Variants in DLST observed in about 807,000 individuals in gnomAD.
DLST encodes the protein dihydrolipoyllysine-residue succinyltransferase component of 2-oxoglutarate dehydrogenase complex, mitochondrial.
DLST carries 17 observed loss-of-function variants against 53.1 expected under a neutral mutation model. That is an observed-to-expected ratio of 0.32 (90% CI 0.22 to 0.48). The LOEUF (loss-of-function observed/expected upper bound fraction) is 0.48, where lower values mean the gene tolerates loss of function less well. Among genes scored for constraint, DLST ranks in the 20% least tolerant of loss-of-function variants. The probability of loss-of-function intolerance (pLI) is 0.99; values close to 1 mark genes in which losing one functional copy is unlikely to be tolerated. For synonymous variants in DLST, 206 were observed against 204.8 expected (o/e 1.01, Z -0.05); for missense variants, 512 against 583.9 (o/e 0.88, Z 1.27).
At chr14:74,889,017 T>C (rs1883803958) in intron 3 of DLST, 78 bp from the exon 4 acceptor site, 4 of 1,447,130 alleles carry the variant, frequency 2.8e-6, no homozygotes, top group Admixed American at 1.7e-5. Flanking sequence ...AAGGGGAAGG[T>C]GACCCATGGG....
At chr14:74,889,762 C>A in intron 5 of DLST, 135 bp from the exon 6 acceptor site, 2 of 771,084 alleles carry the variant, frequency 2.6e-6, no homozygotes, top group Admixed American at 2.4e-5. Context: ...ATAGCTCTGC[C>A]GTTTTCTTTA....
intron 14 of DLST, among the ~76,000 whole-genome samples, chr14:74,901,585 GC>G (rs1218822758): frequency 1.3e-5 from 2 of 152,196 alleles, no homozygotes; most frequent in Non-Finnish European, 2.9e-5. Flanking sequence ...TGACAATTAT[GC>G]ATGTCAGTCT....
At position 74,881,932 on chromosome 14, in the gene DLST, C is replaced by G. The variant is rs369001394; in HGVS notation, c.-22C>G. On this transcript the variant is annotated 5_prime_UTR_variant, in exon 1 of 15. Coordinates refer to ENST00000334220, the MANE Select transcript of DLST (RefSeq NM_001933.5). Reference sequence around the variant, plus strand: ...TCCGGCCCTATATCCGGTGTCCGCCCGCCCTCGGCTCCTCCGCCGTGATGC... The same window carrying G: ...TCCGGCCCTATATCCGGTGTCCGCCGGCCCTCGGCTCCTCCGCCGTGATGC... 2.6e-6 allele frequency: 4 copies of G among 1,528,026 alleles called. No homozygotes were observed. In the South Asian group the frequency reaches 3.6e-5, roughly 14 times the overall value. The allele number at this position is 1,528,026 out of a possible 1,614,324, so 94.7% of individuals were successfully genotyped here.
In DLST at chr14:74,881,968, C is replaced by T. The variant is rs1426472572; in HGVS notation, c.15C>T (p.Ser5=). The stretch of plus-strand genomic sequence containing the variant: ...CCTCCGCCGTGATGCTGTCCCGATC[C>T]CGCTGTGTGTCTCGGGCGTTCAGCC... The part of the protein sequence containing the change: MLSR[S]RCVSRAFSRS... Residue 5 remains serine (S), a synonymous_variant, in exon 1 of 15, where the codon TCC becomes TCT. Coordinates refer to ENST00000334220, the MANE Select transcript of DLST (RefSeq NM_001933.5). 21 of 1,569,860 alleles carry T rather than the reference C, an allele frequency of 1.3e-5. No individual in the cohort carries two copies. Among genetic ancestry groups the T allele is most frequent in the Non-Finnish European group, 1.7e-5 (20 of 1,165,722 alleles).
intron 8 of DLST, 79 bp from the exon 9 acceptor site, chr14:74,893,269 A>G (rs1165611304): frequency 1.2e-5 from 17 of 1,468,942 alleles, no homozygotes; most frequent in Admixed American, 3.4e-5. Context: ...AAGTAACAGT[A>G]CATATGAAAG....
rs534401445 is a variant in DLST, at chr14:74,902,061, T to G, written c.1228-135T>G. The G allele has an allele frequency of 2.1e-5, 20 of 966,320 alleles. No individual in the cohort carries two copies. In the South Asian group the frequency reaches 6.3e-4, roughly 30 times the overall value. 59.9% of individuals were successfully genotyped at this position (966,320 alleles called of 1,614,324 possible). ...GGGTAAGTCCTGGTCTTTGAAATACTGTAAATATGCAGAGGCAACATCAAT... is the reference window on the plus strand; with the variant it reads ...GGGTAAGTCCTGGTCTTTGAAATACGGTAAATATGCAGAGGCAACATCAAT... On this transcript the variant is annotated intron_variant, in intron 14 of 14. Transcript: ENST00000334220.
At chr14:74,898,285 C>A in intron 10 of DLST, 84 bp from the exon 11 acceptor site, 1 of 1,531,030 alleles carries the variant, frequency 6.5e-7, no homozygotes, top group Non-Finnish European at 8.8e-7. Context: ...AAGCTCTCAC[C>A]TAATTGTGTA....
intron 1 of DLST, among the ~76,000 whole-genome samples, 153 bp from the exon 2 acceptor site, chr14:74,882,438 T>G (rs1028070470): frequency 6.7e-6 from 1 of 149,996 alleles, no homozygotes; most frequent in African/African-American, 2.4e-5. Context: ...GCGTGTTGAT[T>G]GGGTCTGCCA....
At chr14:74,882,690 CG>C (rs1303360513) in intron 2 of DLST, 66 bp downstream of exon 2, 2 of 1,453,618 alleles carry the variant, frequency 1.4e-6, no homozygotes, top group Admixed American at 1.7e-5. Flanking sequence ...GTGAGGAACT[CG>C]GGGGTGCCTG....
In DLST at chr14:74,894,303, T is replaced by C; in HGVS notation, c.673-9T>C. 3.7e-6 allele frequency: 6 copies of C among 1,613,858 alleles called. No individual in the cohort carries two copies. The highest frequency in any genetic ancestry group is 5.1e-6 in the Non-Finnish European group (6 of 1,179,856). On this transcript the variant is annotated splice_polypyrimidine_tract_variant and intron_variant, in intron 9 of 14. Transcript: ENST00000334220. ...AGATTGTCAATGCTTGTTCCACTCT[T>C]ACTTTCAGGAGAAAATGAACAGGAT...
intron 11 of DLST, among the ~76,000 whole-genome samples, chr14:74,898,891 TG>T (rs1884156109): frequency 6.6e-6 from 1 of 152,244 alleles, no homozygotes; most frequent in Non-Finnish European, 1.5e-5. Flanking sequence ...GGCTGACCTT[TG>T]ATCTTAGGTC....
Position 74,898,477 on chromosome 14 carries a change from G to C in DLST, c.879G>C (p.Gln293His), listed in dbSNP as rs1304818391. 11 of 1,614,188 alleles carry C rather than the reference G, an allele frequency of 6.8e-6. No homozygotes were observed. Among genetic ancestry groups the C allele is most frequent in the Non-Finnish European group, 9.3e-6 (11 of 1,180,028 alleles). ...AFVKASAFAL[Q>H]EQPVVNAVID... is the part of the protein sequence containing the mutation. The stretch of plus-strand genomic sequence containing the variant: ...TGAAGGCCTCAGCCTTTGCCTTGCA[G>C]GAACAGCCTGTTGTAAATGCAGGTG... The change falls in exon 11 of 15, where the codon CAG becomes CAC. Residue 293 changes from glutamine to histidine, a missense_variant. Physicochemically the swap from Gln to His is conservative, Grantham distance 24 (BLOSUM62 0). This residue lies in a region of DLST where 186 missense variants were observed against 260.4 expected (regional missense o/e 0.71). Transcript: ENST00000334220.
At chr14:74,882,179 C>T (rs751619679) in intron 1 of DLST, among the ~76,000 whole-genome samples, 163 bp downstream of exon 1, 1 of 152,006 alleles carries the variant, frequency 6.6e-6, no homozygotes, top group African/African-American at 2.4e-5. Context: ...TGGTTGCCCT[C>T]GGGACCGTTT....
rs1217808775 is a variant in DLST, at chr14:74,889,120, C to T, written c.172C>T (p.Arg58Cys). The T allele has an allele frequency of 8.7e-6, 14 of 1,614,118 alleles. No individual in the cohort carries two copies. Among genetic ancestry groups the T allele is most frequent in the East Asian group, 2.2e-5 (1 of 44,884 alleles). ...CATTAACAACAGTGTCTTCAGTGTT[C>T]GCTTTTTCAGAACTACAGCTGTATG... The part of the protein sequence containing the change: ...VVINNSVFSV[R>C]FFRTTAVCKD... The change falls in exon 4 of 15, where the codon CGC (arginine) becomes TGC (cysteine). Residue 58 changes from arginine to cysteine, a missense_variant. By Grantham distance (180) the Arg-to-Cys change is radical (BLOSUM62 -3). This residue lies in a region of DLST where 129 missense variants were observed against 90.9 expected (regional missense o/e 1.42). Coordinates refer to ENST00000334220, the MANE Select transcript of DLST (RefSeq NM_001933.5).
intron 9 of DLST, 145 bp downstream of exon 9, chr14:74,893,569 C>G: frequency 1.2e-6 from 1 of 800,656 alleles, no homozygotes; most frequent in Non-Finnish European, 2.0e-6. Flanking sequence ...ATAACTTCTT[C>G]ATAGTCACAT....
chr14:74,887,576 A>G (rs771387444), intron 3 of DLST, among the ~76,000 whole-genome samples: 15 of 152,060 alleles, frequency 9.9e-5, no homozygotes, highest in Non-Finnish European at 2.2e-4. Context: ...GTTTTTACTA[A>G]TAGTATTATA....
chr14:74,898,666 T>G (rs570066434), intron 11 of DLST, among the ~76,000 whole-genome samples, 167 bp downstream of exon 11: 1 of 152,268 alleles, frequency 6.6e-6, no homozygotes, highest in South Asian at 2.1e-4. Flanking sequence ...TGAAGCAGCA[T>G]CATGATTACT....
intron 9 of DLST, 91 bp from the exon 10 acceptor site, chr14:74,894,221 C>T (rs1299744976): frequency 6.7e-6 from 10 of 1,495,216 alleles, no homozygotes; most frequent in Admixed American, 1.8e-5. Flanking sequence ...TGGCCATCTA[C>T]TCGTGGCAAG....
intron 7 of DLST, chr14:74,891,373 T>C: frequency 7.7e-7 from 1 of 1,300,800 alleles, no homozygotes. Context: ...AAATAAACCT[T>C]ATACTCTGTT....
Sources: gnomAD v4.1 joint callset for allele counts (sites outside exome capture counted in the v4.1 genomes callset) on GRCh38, gnomAD v4.1.1 for gene constraint, gnomAD v4.1.1 regional missense constraint, MANE v1.5 for transcripts, NCBI Gene and HGNC (gene_info 2026-07-23, HGNC 2026-07-21) for gene names.